Variants in VMA22 observed in about 807,000 individuals in gnomAD.
The protein encoded by VMA22 is vacuolar ATPase assembly factor VMA22.
the VMA22 span, chr2:130,341,599 C>A: frequency 7.6e-7 from 1 of 1,310,554 alleles, no homozygotes; most frequent in Non-Finnish European, 1.1e-6. Context: ...TAATTTAAAT[C>A]ATCTCCATAA....
chr2:130,339,297 G>A, the VMA22 span: 1 of 1,461,160 alleles, frequency 6.8e-7, no homozygotes, highest in Non-Finnish European at 9.4e-7. Context: ...GGAGGATCTG[G>A]ATATCCCCAG....
At chr2:130,341,467 A>G in the VMA22 span, 1 of 586,082 alleles carries the variant, frequency 1.7e-6, no homozygotes, top group Non-Finnish European at 3.1e-6. Flanking sequence ...TTGTAAATCT[A>G]TTCCCAGTGT....
chr2:130,339,497 A>C, the VMA22 span: 11 of 1,351,904 alleles, frequency 8.1e-6, no homozygotes, highest in Non-Finnish European at 1.1e-5. Flanking sequence ...CACAGATAGT[A>C]ATACCATTTC....
chr2:130,340,743 A>T, the VMA22 span: 1 of 753,234 alleles, frequency 1.3e-6, no homozygotes, highest in Non-Finnish European at 2.2e-6. Context: ...GCCAACAACC[A>T]GTAAATGCTT....
At chr2:130,340,022 T>A in the VMA22 span, 1 of 320,498 alleles carries the variant, frequency 3.1e-6, no homozygotes, top group South Asian at 2.9e-5. Context: ...CGTCGGTGGA[T>A]ACCACACAGA....
the VMA22 span, chr2:130,341,801 G>GGGCCCCCCCCCC: frequency 6.5e-6 from 9 of 1,378,114 alleles, no homozygotes; most frequent in Non-Finnish European, 8.0e-6. Flanking sequence ...CCTAGAACGC[G>GGGCCCCCCCCCC]CCCGCCCGCC....
At chr2:130,339,649 C>T in the VMA22 span, 2 of 1,305,070 alleles carry the variant, frequency 1.5e-6, no homozygotes, top group Non-Finnish European at 2.0e-6. Context: ...GGAACAGCTG[C>T]TGCCCAGTCC....
chr2:130,341,731 G>C, the VMA22 span: 1 of 1,611,574 alleles, frequency 6.2e-7, no homozygotes, highest in South Asian at 1.1e-5. Context: ...TGAACTTCTG[G>C]AGTCCCTCCT....
At chr2:130,341,708 G>GCTCTCACCAC in the VMA22 span, 2 of 1,611,740 alleles carry the variant, frequency 1.2e-6, no homozygotes, top group Non-Finnish European at 1.7e-6. Flanking sequence ...GTGGACACCA[G>GCTCTCACCAC]CTCTCACCAC....
At chr2:130,339,181 C>A in the VMA22 span, 1 of 1,614,150 alleles carries the variant, frequency 6.2e-7, no homozygotes. Flanking sequence ...CTGGCTTCGA[C>A]CCCAGTCAAT....
chr2:130,338,971 A>G, the VMA22 span: 1 of 624,776 alleles, frequency 1.6e-6, no homozygotes, highest in South Asian at 1.9e-5. Context: ...ACACCTAAGG[A>G]AAATGGAAAC....
the VMA22 span, chr2:130,341,018 G>T: frequency 1.2e-6 from 2 of 1,611,376 alleles, no homozygotes; most frequent in South Asian, 2.2e-5. Context: ...GGTCTTAGTG[G>T]GGCCCTTGCG....
the VMA22 span, chr2:130,341,890 G>A: frequency 6.2e-7 from 1 of 1,613,138 alleles, no homozygotes; most frequent in East Asian, 2.2e-5. Context: ...TACTGCAGGG[G>A]CCCTACCGAC....
chr2:130,341,805 G>GCCCCCCCCCCCC, the VMA22 span: 1 of 272,768 alleles, frequency 3.7e-6, no homozygotes, highest in Non-Finnish European at 6.8e-6. Flanking sequence ...GAACGCGCCC[G>GCCCCCCCCCCCC]CCCGCCCACC....
the VMA22 span, chr2:130,341,918 G>T: frequency 1.9e-6 from 3 of 1,613,448 alleles, no homozygotes; most frequent in Non-Finnish European, 2.5e-6. Context: ...CCATCGCGTA[G>T]CGAGCCTTGG....
chr2:130,338,800 C>T, the VMA22 span: 4 of 308,080 alleles, frequency 1.3e-5, no homozygotes, highest in Non-Finnish European at 2.5e-5. Context: ...GCACAGTGTT[C>T]CATCATCCAG....
At chr2:130,342,308 G>A in the VMA22 span, 3 of 1,150,598 alleles carry the variant, frequency 2.6e-6, no homozygotes, top group Non-Finnish European at 3.6e-6. Context: ...GAAGCAGCAC[G>A]GAAGCAACCA....
chr2:130,341,815 C>A, the VMA22 span: 1 of 1,527,184 alleles, frequency 6.5e-7, no homozygotes, highest in South Asian at 1.2e-5. Flanking sequence ...GCCCGCCCAC[C>A]CAGCCCAGCA....
chr2:130,341,802 C>A, the VMA22 span: 12 of 325,964 alleles, frequency 3.7e-5, no homozygotes, highest in South Asian at 1.0e-4. Flanking sequence ...CTAGAACGCG[C>A]CCGCCCGCCC....
Sources: allele counts gnomAD v4.1 joint callset, GRCh38; gene constraint gnomAD v4.1.1; transcripts MANE v1.5; gene names NCBI Gene and HGNC (gene_info 2026-07-23, HGNC 2026-07-21).